KCNMA1: variants seen among roughly 807,000 people sequenced by gnomAD.
The protein encoded by KCNMA1 is potassium calcium-activated channel subfamily M alpha 1.
A neutral mutation model predicts 140.0 loss-of-function variants in KCNMA1; 29 were observed. That is an observed-to-expected ratio of 0.21 (90% confidence interval 0.15 to 0.28). The LOEUF (loss-of-function observed/expected upper bound fraction) is 0.28. Ranked by LOEUF, KCNMA1 falls within the 10% of genes least tolerant of loss-of-function variation. KCNMA1 has a pLI of 1.00. For synonymous variants in KCNMA1, 612 were observed against 611.9 expected, an observed-to-expected ratio of 1.00 and a Z score of 0.00; for missense variants, 880 against 1,602.2, an observed-to-expected ratio of 0.55 and a Z score of 7.70.
intron 2 of KCNMA1, among the ~76,000 whole-genome samples, chr10:77,364,144 A>G (rs1159343753): frequency 6.6e-6 from 1 of 152,090 alleles, no homozygotes; most frequent in Non-Finnish European, 1.5e-5. Flanking sequence ...ATCTCCATGA[A>G]CCATAAATTA....
chr10:77,048,492 A>G (rs559289206), intron 14 of KCNMA1, among the ~76,000 whole-genome samples: 13 of 152,266 alleles, frequency 8.5e-5, no homozygotes, highest in African/African-American at 2.9e-4. Context: ...AACAAAGGAG[A>G]ATGGGGAGGG....
intron 3 of KCNMA1, among the ~76,000 whole-genome samples, chr10:77,215,667 C>A (rs1181422791): frequency 6.6e-6 from 1 of 152,100 alleles, no homozygotes; most frequent in Non-Finnish European, 1.5e-5. Context: ...CATCGAGATA[C>A]CATATCTTGA....
chr10:76,983,320 G>T (rs1312754218), intron 19 of KCNMA1, among the ~76,000 whole-genome samples: 1 of 152,176 alleles, frequency 6.6e-6, no homozygotes, highest in African/African-American at 2.4e-5. Flanking sequence ...TCCTCAACTT[G>T]CAGCCCTTAG....
intron 3 of KCNMA1, among the ~76,000 whole-genome samples, chr10:77,185,480 C>G (rs2098841892): frequency 1.3e-5 from 2 of 152,108 alleles, no homozygotes; most frequent in South Asian, 4.1e-4. Flanking sequence ...GGGTGAGGTT[C>G]TGGCTAGATT....
At chr10:76,909,515 C>T (rs1229979238) in intron 25 of KCNMA1, among the ~76,000 whole-genome samples, 1 of 152,168 alleles carries the variant, frequency 6.6e-6, no homozygotes, top group South Asian at 2.1e-4. Flanking sequence ...GGCCATCCTC[C>T]TGCACCCTTG....
chr10:76,891,388 A>C lies in KCNMA1; in HGVS notation c.3342+137T>G. 4.2e-6 allele frequency: 3 copies of C among 720,102 alleles called. 1 individual carries two copies. The highest frequency in any genetic ancestry group is 7.3e-4 in the Middle Eastern group (2 of 2,734). 44.6% of individuals were successfully genotyped at this position (720,102 alleles called of 1,614,324 possible). A position where few individuals can be genotyped will look rare whatever the true frequency, so the allele number is the denominator to read the frequency against. Reference sequence around the variant, plus strand: ...TCTGATCCAGAGTAAACTATAAATAAATATCACCTCTTACAGTTATCTACA... The same window carrying C: ...TCTGATCCAGAGTAAACTATAAATACATATCACCTCTTACAGTTATCTACA... On this transcript the variant is annotated intron_variant, in intron 26 of 27. Coordinates refer to ENST00000286628, the MANE Select transcript of KCNMA1 (RefSeq NM_001161352.2).
At chr10:77,217,258 T>G (rs1021875296) in intron 3 of KCNMA1, among the ~76,000 whole-genome samples, 3 of 150,392 alleles carry the variant, frequency 2.0e-5, no homozygotes, top group African/African-American at 7.4e-5. Context: ...TGAGCTGAGA[T>G]CATGCCACTG....
chr10:77,143,194 C>T (rs982037208), intron 5 of KCNMA1, among the ~76,000 whole-genome samples: 98 of 152,108 alleles, frequency 6.4e-4, no homozygotes, highest in African/African-American at 2.3e-3. Context: ...TCAAATGAAT[C>T]CAGCAGTATA....
In KCNMA1 at chr10:77,117,097, G is replaced by A. The variant is rs114592399; in HGVS notation, c.884+3876C>T. Among the ~76,000 whole-genome samples the A allele has an allele frequency of 9.5e-3, 1,448 of 152,238 alleles. 26 individuals carry two copies. The highest frequency in any genetic ancestry group is 0.033 in the African/African-American group (1,382 of 41,522). On this transcript the variant is annotated intron_variant, in intron 6 of 27. Transcript: ENST00000286628. ...CCAAAACCATATTGGTTAGGTACACGATGACTCATGCATATCATGGAATGC... is the reference window on the plus strand; with the variant it reads ...CCAAAACCATATTGGTTAGGTACACAATGACTCATGCATATCATGGAATGC...
At chr10:77,636,557 T>C (rs549381060) in intron 1 of KCNMA1, 18 of 1,536,034 alleles carry the variant, frequency 1.2e-5, no homozygotes, top group Admixed American at 2.0e-5. Context: ...TGGGGTATGT[T>C]CCACTAGAGC....
chr10:76,897,690 CAG>C (rs1358270748), intron 25 of KCNMA1, among the ~76,000 whole-genome samples: 1 of 151,484 alleles, frequency 6.6e-6, no homozygotes, highest in Non-Finnish European at 1.5e-5. Flanking sequence ...ATATTTAAAA[CAG>C]AATTGTAAAA....
At chr10:77,154,553 TAGTG>T (rs746412766) in intron 5 of KCNMA1, among the ~76,000 whole-genome samples, 6 of 152,292 alleles carry the variant, frequency 3.9e-5, no homozygotes, top group African/African-American at 1.4e-4. Context: ...TCAGGCCACT[TAGTG>T]AGTATCTATA....
At chr10:77,169,643 G>C (rs12782391) in intron 5 of KCNMA1, among the ~76,000 whole-genome samples, 1 of 151,924 alleles carries the variant, frequency 6.6e-6, no homozygotes, top group South Asian at 2.1e-4. Flanking sequence ...GGCTCTCAAA[G>C]TGCTGGGATT....
intron 2 of KCNMA1, chr10:77,354,471 C>T (rs1042858388): frequency 2.6e-5 from 4 of 152,160 alleles, no homozygotes; most frequent in African/African-American, 9.7e-5. Context: ...GTAAATTTAG[C>T]TTCCTCAGCA....
intron 1 of KCNMA1, among the ~76,000 whole-genome samples, chr10:77,554,828 T>C (rs912388219): frequency 1.3e-5 from 2 of 152,006 alleles, no homozygotes; most frequent in Non-Finnish European, 2.9e-5. Flanking sequence ...CAGTCAACCA[T>C]TACGGCCCAT....
chr10:77,122,740 T>C (rs559904258), intron 5 of KCNMA1, among the ~76,000 whole-genome samples: 2 of 152,152 alleles, frequency 1.3e-5, no homozygotes, highest in East Asian at 3.9e-4. Flanking sequence ...AAAGGTAAAA[T>C]GAAGGATCAG....
chr10:77,080,718 GC>G lies in KCNMA1; in HGVS notation c.1524-1169del, dbSNP rs563243276. On this transcript the variant is annotated intron_variant, in intron 12 of 27. Transcript: ENST00000286628. ...TTGCCTACGTAGACATCGAAAGCGAGCCCAAATCATGGGGCCTCCAGAGGTT... is the reference window on the plus strand; with the variant it reads ...TTGCCTACGTAGACATCGAAAGCGAGCCAAATCATGGGGCCTCCAGAGGTT... 6.0e-4 allele frequency among the ~76,000 whole-genome samples: 91 copies of G among 152,208 alleles called. 1 individual carries two copies. Among genetic ancestry groups the G allele is most frequent in the African/African-American group, 2.1e-3 (89 of 41,542 alleles).
chr10:77,624,537 T>A (rs1360752495), intron 1 of KCNMA1, among the ~76,000 whole-genome samples: 1 of 152,150 alleles, frequency 6.6e-6, no homozygotes, highest in Non-Finnish European at 1.5e-5. Context: ...ACTCTTGTGT[T>A]TTATAGTAGA....
chr10:76,930,246 C>T (rs1344263439), intron 23 of KCNMA1: 2 of 152,094 alleles, frequency 1.3e-5, no homozygotes, highest in Non-Finnish European at 2.9e-5. Flanking sequence ...GGGTTAATAT[C>T]CCATCTATAT....
Sources: gnomAD v4.1 joint callset for allele counts (sites outside exome capture counted in the v4.1 genomes callset) on GRCh38, gnomAD v4.1.1 for gene constraint, MANE v1.5 for transcripts, NCBI Gene and HGNC (gene_info 2026-07-23, HGNC 2026-07-21) for gene names.